SSRP1: variants seen among roughly 807,000 people sequenced by gnomAD.
SSRP1 encodes the protein FACT complex subunit SSRP1.
SSRP1 carries 21 observed loss-of-function variants against 84.4 expected under a neutral mutation model. The ratio of observed to expected loss-of-function variants is 0.25; its 90% CI spans 0.18 to 0.36. The LOEUF is 0.36. SSRP1 is among the 10% of genes least tolerant of loss of function. The pLI is 1.00. For missense variants in SSRP1, 519 were observed against 900.8 expected (o/e 0.58, Z 5.43); for synonymous variants, 319 against 318.3 (o/e 1.00, Z -0.02).
rs747175982 is a variant in SSRP1, at chr11:57,332,523, A to G, written c.769-37T>C. ...GAGTACTAATTGACACTCTACAACA[A>G]CTTGCAATTAACCAACGTAGAATTC... On this transcript the variant is annotated intron_variant, in intron 6 of 16. Transcript: ENST00000278412. The surrounding 1 kb of genome is among the most constrained non-coding windows in gnomAD (Gnocchi z 5.5). 1.9e-6 allele frequency: 3 copies of G among 1,610,754 alleles called. No individual in the cohort carries two copies. The highest frequency in any genetic ancestry group is 1.7e-5 in the Admixed American group (1 of 59,950).
Position 57,330,605 on chromosome 11 carries a change from C to T in SSRP1, c.1297-176G>A, listed in dbSNP as rs1270955651. ...CCTATGCCCAAGTACTTCCTGCCAACTGGGTTAGTCCAAGCCCCAAGCCCC... is the reference window on the plus strand; with the variant it reads ...CCTATGCCCAAGTACTTCCTGCCAATTGGGTTAGTCCAAGCCCCAAGCCCC... On this transcript the variant is annotated intron_variant, in intron 10 of 16. Transcript: ENST00000278412. The surrounding 1 kb of genome is among the most constrained non-coding windows in gnomAD (Gnocchi z 4.0). 7.0e-6 allele frequency: 10 copies of T among 1,431,258 alleles called. No individual in the cohort carries two copies. The Admixed American group carries it at 2.2e-4, about 31-fold the overall frequency. The allele number at this position is 1,431,258 out of a possible 1,614,324, so 88.7% of individuals were successfully genotyped here.
intron 9 of SSRP1, among the ~76,000 whole-genome samples, chr11:57,331,296 C>G (rs1478226258): frequency 2.0e-5 from 3 of 152,058 alleles, no homozygotes; most frequent in African/African-American, 7.2e-5. Context: ...AACGTTTAGT[C>G]CACAGTGAGC....
chr11:57,332,296 G>A lies in SSRP1; in HGVS notation c.873-16C>T. 1 of 1,614,104 alleles carries A rather than the reference G, an allele frequency of 6.2e-7. No homozygotes were observed. The highest frequency in any genetic ancestry group is 8.5e-7 in the Non-Finnish European group (1 of 1,180,024). Reference sequence around the variant, plus strand: ...CACTTCTTCCCTACAAAGAAAGCAAGGTGAGGTCACAACACTACTGCCTTC... The same window carrying A: ...CACTTCTTCCCTACAAAGAAAGCAAAGTGAGGTCACAACACTACTGCCTTC... On this transcript the variant is annotated splice_polypyrimidine_tract_variant and intron_variant, in intron 7 of 16. Coordinates refer to ENST00000278412, the MANE Select transcript of SSRP1 (RefSeq NM_003146.3). This position sits in a 1 kb window ranked among gnomAD's most constrained non-coding sequence, Gnocchi z 5.5.
In SSRP1 at chr11:57,328,304, G is replaced by A; in HGVS notation, c.1604C>T (p.Pro535Leu). The A allele has an allele frequency of 6.2e-7, 1 of 1,614,144 alleles. No individual in the cohort carries two copies. The highest frequency in any genetic ancestry group is 8.5e-7 in the Non-Finnish European group (1 of 1,180,000). ...MAKDRKSRKKPVEVKKGKDPN... is the reference protein window; with the variant it reads ...MAKDRKSRKKLVEVKKGKDPN... Reference sequence around the variant, plus strand: ...CCCATCTACAGTCTGCACCTCCACAGGCTTCTTGCGGCTCTTGCGGTCCTT... The same window carrying A: ...CCCATCTACAGTCTGCACCTCCACAAGCTTCTTGCGGCTCTTGCGGTCCTT... Residue 535 changes from proline (P) to leucine (L), a missense_variant, in exon 13 of 17, where the codon CCT becomes CTT. Pro to Leu is a moderately conservative substitution (Grantham distance 98). This residue lies in a region of SSRP1 where 197 missense variants were observed against 265.0 expected (regional missense o/e 0.74). Transcript: ENST00000278412.
At chr11:57,328,454 T>C in intron 12 of SSRP1, 28 bp from the exon 13 acceptor site, 1 of 1,613,354 alleles carries the variant, frequency 6.2e-7, no homozygotes, top group Non-Finnish European at 8.5e-7. Flanking sequence ...AGGCTTAGAC[T>C]TGAGGAGGGA....
intron 12 of SSRP1, chr11:57,328,919 G>C (rs984927068): frequency 1.3e-5 from 2 of 153,300 alleles, no homozygotes; most frequent in Admixed American, 6.5e-5. Flanking sequence ...TTTCACACAC[G>C]CACGTAACAC....
chr11:57,329,670 G>C (rs1341164960), intron 12 of SSRP1: 2 of 224,410 alleles, frequency 8.9e-6, no homozygotes, highest in Non-Finnish European at 1.8e-5. Flanking sequence ...TTTAAAGTGA[G>C]AGTGAATCAC....
In SSRP1 at chr11:57,327,408, C is replaced by CA; in HGVS notation, c.1871+17dup. ...CTGCCACAAAAATCAGTGACTGGGC[C>CA]ATGTTCTCGACACTCACCTCTTAGA... is the stretch of plus-strand genomic sequence containing the variant. On this transcript the variant is annotated intron_variant, in intron 15 of 16. Transcript: ENST00000278412. The CA allele has an allele frequency of 6.2e-7, 1 of 1,610,414 alleles. No individual in the cohort carries two copies. The highest frequency in any genetic ancestry group is 8.5e-7 in the Non-Finnish European group (1 of 1,178,200).
At chr11:57,327,582 G>A in intron 14 of SSRP1, 68 bp from the exon 15 acceptor site, 2 of 1,606,348 alleles carry the variant, frequency 1.2e-6, no homozygotes, top group Non-Finnish European at 1.7e-6. Flanking sequence ...CCCTGATGCA[G>A]GCAAAATCGA....
chr11:57,333,437 C>T lies in SSRP1; in HGVS notation c.344G>A (p.Gly115Asp). 2 of 1,613,772 alleles carry T rather than the reference C, an allele frequency of 1.2e-6. No individual in the cohort carries two copies. Among genetic ancestry groups the T allele is most frequent in the South Asian group, 1.1e-5 (1 of 91,088 alleles). Residue 115 changes from glycine (G) to aspartate (D), a missense_variant and splice_region_variant, in exon 4 of 17, where the codon GGT becomes GAT. By Grantham distance (94) the Gly-to-Asp change is moderately conservative (BLOSUM62 -1). This residue lies in a region of SSRP1 where 159 missense variants were observed against 359.0 expected (regional missense o/e 0.44). Coordinates refer to ENST00000278412, the MANE Select transcript of SSRP1 (RefSeq NM_003146.3). ...KGWNWGTVKF[G>D]GQLLSFDIGD... ...CCTCAGTCTTCCCCAGGACTCACCA[C>T]CAAATTTCACTGTCCCCCAGTTCCA...
chr11:57,326,571 A>G, intron 16 of SSRP1, 93 bp from the exon 17 acceptor site: 3 of 1,063,366 alleles, frequency 2.8e-6, no homozygotes, highest in East Asian at 3.7e-5. Flanking sequence ...ACCGCCCCCA[A>G]CTACAGCACC....
chr11:57,334,751 A>T, intron 2 of SSRP1, 103 bp from the exon 3 acceptor site: 1 of 1,379,680 alleles, frequency 7.2e-7, no homozygotes, highest in Non-Finnish European at 1.0e-6. Flanking sequence ...GACTGGCCAG[A>T]TTATCAATGC....
At position 57,334,023 on chromosome 11, in the gene SSRP1, T is replaced by C. The variant is rs1385762828; in HGVS notation, c.240+440A>G. On this transcript the variant is annotated intron_variant, in intron 3 of 16. Transcript: ENST00000278412. The stretch of plus-strand genomic sequence containing the variant: ...TAAAAATCAGCTGGGCATGGTGGCA[T>C]GTGCCTGTGGTACCAGATACTCAGG... Among the ~76,000 whole-genome samples, 4 of 152,274 alleles carry C rather than the reference T, an allele frequency of 2.6e-5. No homozygotes were observed. In the East Asian group the frequency reaches 7.7e-4, roughly 29 times the overall value.
chr11:57,334,345 C>T (rs773589287), intron 3 of SSRP1, 118 bp downstream of exon 3: 29 of 1,241,976 alleles, frequency 2.3e-5, no homozygotes, highest in Non-Finnish European at 3.2e-5. Flanking sequence ...CACAGCCCTG[C>T]TCTAAGGAGC....
At chr11:57,331,414 G>A (rs1344411397) in intron 9 of SSRP1, among the ~76,000 whole-genome samples, 2 of 152,102 alleles carry the variant, frequency 1.3e-5, no homozygotes, top group African/African-American at 4.8e-5. Context: ...AAGACCAGTA[G>A]CGAAGACATA....
chr11:57,328,598 TGGC>T, intron 12 of SSRP1, 172 bp from the exon 13 acceptor site: 2 of 941,168 alleles, frequency 2.1e-6, no homozygotes, highest in South Asian at 3.6e-5. Context: ...TTCACTGTGG[TGGC>T]TTCAGCCATG....
chr11:57,333,550 G>A lies in SSRP1; in HGVS notation c.241-10C>T. On this transcript the variant is annotated splice_polypyrimidine_tract_variant and intron_variant, in intron 3 of 16. Transcript: ENST00000278412. Reference sequence around the variant, plus strand: ...AGAGTTTCTCAAACTCCTGTGGGTGGAGGGAAGAAAGCACAATCCCAGTAA... The same window carrying A: ...AGAGTTTCTCAAACTCCTGTGGGTGAAGGGAAGAAAGCACAATCCCAGTAA... 1 of 1,604,102 alleles carries A rather than the reference G, an allele frequency of 6.2e-7. No homozygotes were observed.
At position 57,332,929 on chromosome 11, in the gene SSRP1, T is replaced by G. The variant is rs1485556027; in HGVS notation, c.537+30A>C. On this transcript the variant is annotated intron_variant, in intron 5 of 16. Transcript: ENST00000278412. This position sits in a 1 kb window ranked among gnomAD's most constrained non-coding sequence, Gnocchi z 5.5. ...CAGCCAATGCCTGCTCAGCACCATC[T>G]GCTGCCAAGGCAACCAGGGGAAGCC... is the stretch of plus-strand genomic sequence containing the variant. 6.3e-7 allele frequency: 1 copy of G among 1,599,184 alleles called. No individual in the cohort carries two copies. Among genetic ancestry groups the G allele is most frequent in the Non-Finnish European group, 8.5e-7 (1 of 1,170,346 alleles).
At chr11:57,327,029 C>T in intron 15 of SSRP1, 140 bp from the exon 16 acceptor site, 1 of 1,416,084 alleles carries the variant, frequency 7.1e-7, no homozygotes, top group East Asian at 2.5e-5. Flanking sequence ...CTGCGTCAGC[C>T]TGGAGGGCAC....
Sources: allele counts gnomAD v4.1 joint callset (sites outside exome capture counted in the v4.1 genomes callset), GRCh38; gene constraint gnomAD v4.1.1; regional missense constraint gnomAD v4.1.1; non-coding constraint Gnocchi (gnomAD v3.1); transcripts MANE v1.5; gene names NCBI Gene and HGNC (gene_info 2026-07-23, HGNC 2026-07-21).